KDM6A: variants seen among roughly 807,000 people sequenced by gnomAD.
KDM6A encodes the protein lysine demethylase 6A, also known as lysine-specific demethylase 6A.
A neutral mutation model predicts 117.6 loss-of-function variants in KDM6A; 11 were observed. That is an observed-to-expected ratio of 0.09 (90% CI 0.06 to 0.15). KDM6A has a LOEUF of 0.15. Ranked by LOEUF, KDM6A falls within the 10% of genes least tolerant of loss-of-function variation. The pLI, the probability that KDM6A is intolerant of heterozygous loss-of-function variation, is 1.00. For synonymous variants in KDM6A, 384 were observed against 396.1 expected, an observed-to-expected ratio of 0.97 and a Z score of 0.36; for missense variants, 799 against 1,077.3, an observed-to-expected ratio of 0.74 and a Z score of 3.62.
At chrX:45,099,908 C>T (rs2046273563) in intron 27 of KDM6A, among the ~76,000 whole-genome samples, 1 of 110,828 alleles carries the variant, frequency 9.0e-6, no homozygotes, top group Non-Finnish European at 1.9e-5. Context: ...GTGGCACACG[C>T]CTGTAGTCCC....
intron 2 of KDM6A, among the ~76,000 whole-genome samples, chrX:44,929,179 C>CT (rs2036481195): frequency 9.1e-6 from 1 of 109,392 alleles, no homozygotes; most frequent in Admixed American, 9.8e-5. Context: ...ATCCACCCGC[C>CT]TTGGCCTCCC....
rs753997722 is a variant in KDM6A, at chrX:45,034,915, C to T, written c.565-16C>T. ...TCTAAATTGACTGCATTAATTTTCT[C>T]ACTCTCGTCTTGCAGCATTTTCAGT... On this transcript the variant is annotated splice_polypyrimidine_tract_variant and intron_variant, in intron 6 of 29. Coordinates refer to ENST00000611820, the MANE Select transcript of KDM6A (RefSeq NM_001291415.2). 3 of 1,193,040 alleles carry T rather than the reference C, an allele frequency of 2.5e-6. No homozygotes were observed. Among genetic ancestry groups the T allele is most frequent in the African/African-American group, 3.5e-5 (2 of 56,906 alleles).
At chrX:44,905,973 C>T (rs1270509118) in intron 2 of KDM6A, among the ~76,000 whole-genome samples, 3 of 111,924 alleles carry the variant, frequency 2.7e-5, no homozygotes, top group South Asian at 7.3e-4. Context: ...TTACTTTGCT[C>T]AGGTAGTACA....
chrX:45,078,369 T>G, intron 19 of KDM6A, 31 bp from the exon 20 acceptor site: 55 of 1,142,580 alleles, frequency 4.8e-5, no homozygotes, highest in Non-Finnish European at 6.0e-5. Context: ...TCTGTTTTCC[T>G]GAGATCTAAC....
At chrX:44,890,571 T>C (rs1356340632) in intron 2 of KDM6A, among the ~76,000 whole-genome samples, 1 of 110,516 alleles carries the variant, frequency 9.0e-6, no homozygotes, top group Non-Finnish European at 1.9e-5. Flanking sequence ...ATTTTTGACA[T>C]TCTTGTTAGG....
At chrX:45,047,674 CTTTTTTTTTT>C (rs78749806) in intron 8 of KDM6A, among the ~76,000 whole-genome samples, 11 of 36,360 alleles carry the variant, frequency 3.0e-4, no homozygotes, top group Admixed American at 4.7e-4. Flanking sequence ...CTTTTTTTTT[CTTTTTTTTTT>C]TTTTTTTTTT....
intron 2 of KDM6A, among the ~76,000 whole-genome samples, chrX:44,916,037 A>G (rs1231189882): frequency 1.8e-5 from 2 of 111,684 alleles, no homozygotes; most frequent in Non-Finnish European, 3.8e-5. Flanking sequence ...ATTTATTGTT[A>G]TAATCGTTCT....
At chrX:44,894,679 G>C (rs1569366483) in intron 2 of KDM6A, among the ~76,000 whole-genome samples, 1 of 107,451 alleles carries the variant, frequency 9.3e-6, no homozygotes. Flanking sequence ...GCAGTGGCGT[G>C]ATCTCGGCTC....
chrX:45,066,154 T>C (rs930370150), intron 17 of KDM6A, among the ~76,000 whole-genome samples: 29 of 112,311 alleles, frequency 2.6e-4, no homozygotes, highest in African/African-American at 9.1e-4. Context: ...AGAAAAGATA[T>C]GCTGACCATT....
chrX:44,997,235 A>C (rs747787106), intron 4 of KDM6A, among the ~76,000 whole-genome samples: 11 of 112,170 alleles, frequency 9.8e-5, no homozygotes, highest in Non-Finnish European at 1.5e-4. Flanking sequence ...GAAGAATCGG[A>C]TCACATGTGG....
chrX:44,917,057 C>T (rs751556374), intron 2 of KDM6A, among the ~76,000 whole-genome samples: 26 of 102,475 alleles, frequency 2.5e-4, no homozygotes, highest in South Asian at 2.3e-3. Flanking sequence ...AGTAGAGTTG[C>T]GCTCTGTTGC....
chrX:45,040,684 CA>C (rs2043096231), intron 8 of KDM6A, among the ~76,000 whole-genome samples: 2 of 74,033 alleles, frequency 2.7e-5, no homozygotes, highest in Non-Finnish European at 5.2e-5. Context: ...TGACCCCCCC[CA>C]CCTCCCTCCC....
chrX:45,029,580 C>T (rs780267469), intron 6 of KDM6A, among the ~76,000 whole-genome samples: 23 of 106,636 alleles, frequency 2.2e-4, no homozygotes, highest in African/African-American at 7.1e-4. Context: ...CCACTGCACT[C>T]CAGCCTGGGT....
At chrX:45,005,544 T>G (rs2041396181) in intron 4 of KDM6A, among the ~76,000 whole-genome samples, 1 of 111,599 alleles carries the variant, frequency 9.0e-6, no homozygotes, top group Non-Finnish European at 1.9e-5. Context: ...GATCTAAACT[T>G]TGGCCAGAAG....
intron 3 of KDM6A, 47 bp downstream of exon 3, chrX:44,961,439 A>G: frequency 1.2e-6 from 1 of 843,499 alleles, no homozygotes; most frequent in East Asian, 3.2e-5. Context: ...CATGTGTTGG[A>G]TTGTAATTAT....
intron 2 of KDM6A, among the ~76,000 whole-genome samples, chrX:44,881,810 C>T (rs1324876772): frequency 2.7e-5 from 3 of 109,229 alleles, no homozygotes; most frequent in South Asian, 4.0e-4. Flanking sequence ...TCCTCAGCCT[C>T]CTGAGTAGCT....
chrX:44,995,279 C>T (rs2040811910), intron 4 of KDM6A, among the ~76,000 whole-genome samples: 1 of 110,072 alleles, frequency 9.1e-6, no homozygotes, highest in South Asian at 3.9e-4. Flanking sequence ...TTTTTTCAGC[C>T]TTTTTCCTTT....
chrX:44,957,352 C>T (rs1451667620), intron 2 of KDM6A, among the ~76,000 whole-genome samples: 2 of 111,453 alleles, frequency 1.8e-5, no homozygotes, highest in South Asian at 3.7e-4. Context: ...ATATTGACAG[C>T]GTCCTGTTTT....
chrX:44,933,167 T>C (rs939570834), intron 2 of KDM6A, among the ~76,000 whole-genome samples: 2 of 109,701 alleles, frequency 1.8e-5, no homozygotes, highest in Non-Finnish European at 3.8e-5. Context: ...ATTACAGGCG[T>C]GAGCCATTGC....
Sources: allele counts gnomAD v4.1 joint callset (sites outside exome capture counted in the v4.1 genomes callset), GRCh38; gene constraint gnomAD v4.1.1; transcripts MANE v1.5; gene names NCBI Gene and HGNC (gene_info 2026-07-23, HGNC 2026-07-21).